The following PHF24 variants were observed in gnomAD, a reference collection of about 807,000 sequenced individuals.
The protein encoded by PHF24 is PHD finger protein 24.
In PHF24, 25 loss-of-function variants were observed where a neutral mutation model predicts 42.6. That is an observed-to-expected ratio of 0.59 (90% CI 0.43 to 0.82). The LOEUF (loss-of-function observed/expected upper bound fraction) is 0.82, where lower values mean the gene tolerates loss of function less well. Among genes scored for constraint, PHF24 ranks in the 40% least tolerant of loss-of-function variants. The pLI, the probability that PHF24 is intolerant of heterozygous loss-of-function variation, is 0.00. For synonymous variants in PHF24, 185 were observed against 204.8 expected, an observed-to-expected ratio of 0.90 and a Z score of 0.83; for missense variants, 470 against 538.1, an observed-to-expected ratio of 0.87 and a Z score of 1.25.
upstream of PHF24, among the ~76,000 whole-genome samples, chr9:34,954,781 C>T (rs1289542748): frequency 3.3e-5 from 5 of 152,128 alleles, no homozygotes; most frequent in African/African-American, 1.2e-4. Context: ...CTACTCTGCT[C>T]AAAAACTTAT....
chr9:34,886,255 T>TAAAAA, the PHF24 span, among the ~76,000 whole-genome samples: 332 of 137,442 alleles, frequency 2.4e-3, 1 homozygote, highest in African/African-American at 8.5e-3. Flanking sequence ...TCTCCTGTCT[T>TAAAAA]AAAAAAAAAA....
the PHF24 span, chr9:34,832,300 G>C: frequency 1.7e-6 from 1 of 605,216 alleles, no homozygotes; most frequent in African/African-American, 1.8e-5. Flanking sequence ...AGGAGCTAGG[G>C]TGGGTGCCCT....
At chr9:34,723,603 T>C in the PHF24 span, 1 of 1,551,780 alleles carries the variant, frequency 6.4e-7, no homozygotes, top group Non-Finnish European at 8.7e-7. Context: ...TTAATTTTAT[T>C]TCTGAAGCTA....
At chr9:34,959,696 G>A (rs1341239971) in intron 1 of PHF24, among the ~76,000 whole-genome samples, 2 of 152,170 alleles carry the variant, frequency 1.3e-5, no homozygotes, top group Non-Finnish European at 1.5e-5. Context: ...TTCACTGGCA[G>A]TCCCACTGTC....
the PHF24 span, among the ~76,000 whole-genome samples, chr9:34,727,381 A>C: frequency 1.3e-5 from 2 of 152,364 alleles, no homozygotes; most frequent in Admixed American, 1.3e-4. Flanking sequence ...TAAGAAATCC[A>C]AAGCCTGTAT....
At chr9:34,897,936 G>A in the PHF24 span, among the ~76,000 whole-genome samples, 22 of 152,224 alleles carry the variant, frequency 1.4e-4, no homozygotes, top group South Asian at 1.0e-3. Context: ...TTGGTTTTCC[G>A]TTCCTGAGTT....
chr9:34,878,837 T>A, the PHF24 span, among the ~76,000 whole-genome samples: 1 of 152,182 alleles, frequency 6.6e-6, no homozygotes, highest in African/African-American at 2.4e-5. Flanking sequence ...GACTTAAACA[T>A]CCCTGTCTGA....
the PHF24 span, among the ~76,000 whole-genome samples, chr9:34,814,164 T>TG: frequency 6.6e-6 from 1 of 152,342 alleles, no homozygotes. Context: ...GCATAATTTG[T>TG]GGGGGTCTTT....
chr9:34,810,693 T>A, the PHF24 span, among the ~76,000 whole-genome samples: 1 of 152,180 alleles, frequency 6.6e-6, no homozygotes, highest in Non-Finnish European at 1.5e-5. Flanking sequence ...GGCCTTTATC[T>A]CCCTATAGGC....
chr9:34,931,233 G>T, the PHF24 span, among the ~76,000 whole-genome samples: 1 of 151,926 alleles, frequency 6.6e-6, no homozygotes, highest in South Asian at 2.1e-4. Flanking sequence ...AAAATTAGCC[G>T]GGCATGGTGG....
the PHF24 span, among the ~76,000 whole-genome samples, chr9:34,740,490 C>T: frequency 4.6e-5 from 7 of 152,252 alleles, no homozygotes; most frequent in Admixed American, 6.5e-5. Context: ...TGCTAAGCCC[C>T]TCATTGCCCG....
At chr9:34,921,506 C>T in the PHF24 span, among the ~76,000 whole-genome samples, 2 of 152,098 alleles carry the variant, frequency 1.3e-5, no homozygotes, top group Non-Finnish European at 2.9e-5. Flanking sequence ...TCTTAGGTTG[C>T]CTAAGACATT....
the PHF24 span, among the ~76,000 whole-genome samples, chr9:34,763,909 G>T: frequency 6.6e-6 from 1 of 152,080 alleles, no homozygotes; most frequent in Non-Finnish European, 1.5e-5. Flanking sequence ...TAGCACGAAG[G>T]GTTGTTGAAT....
At chr9:34,711,457 G>A in the PHF24 span, among the ~76,000 whole-genome samples, 2 of 151,230 alleles carry the variant, frequency 1.3e-5, no homozygotes, top group African/African-American at 2.4e-5. Context: ...AGTCTCGAAC[G>A]CCTGACCTCA....
chr9:34,673,902 T>C, the PHF24 span, among the ~76,000 whole-genome samples: 2 of 152,060 alleles, frequency 1.3e-5, no homozygotes, highest in African/African-American at 4.8e-5. Flanking sequence ...ATTACAGGTG[T>C]GAGCCACCGC....
the PHF24 span, among the ~76,000 whole-genome samples, chr9:34,796,100 A>G: frequency 3.5e-5 from 5 of 143,404 alleles, no homozygotes; most frequent in African/African-American, 1.0e-4. Context: ...AAGGTACAAA[A>G]TAAATTCAAT....
the PHF24 span, among the ~76,000 whole-genome samples, chr9:34,738,444 G>A: frequency 6.6e-6 from 1 of 151,988 alleles, no homozygotes; most frequent in Non-Finnish European, 1.5e-5. Context: ...TCTGCCTCCC[G>A]GGTTTGAGCG....
At chr9:34,936,100 G>A in the PHF24 span, among the ~76,000 whole-genome samples, 3 of 139,632 alleles carry the variant, frequency 2.1e-5, no homozygotes, top group South Asian at 2.4e-4. Context: ...CTCTTTCCAC[G>A]GTCTCCCTCT....
chr9:34,711,409 T>C, the PHF24 span, among the ~76,000 whole-genome samples: 1 of 151,952 alleles, frequency 6.6e-6, no homozygotes, highest in Non-Finnish European at 1.5e-5. Context: ...ATTTTTGTAT[T>C]TTTTGTAGAC....
Sources: allele counts gnomAD v4.1 joint callset (sites outside exome capture counted in the v4.1 genomes callset), GRCh38; gene constraint gnomAD v4.1.1; transcripts MANE v1.5; gene names NCBI Gene and HGNC (gene_info 2026-07-23, HGNC 2026-07-21).